The following PDE1C variants were observed in gnomAD, a reference collection of about 807,000 sequenced individuals.
PDE1C encodes phosphodiesterase 1C.
Under a neutral mutation model 93.1 loss-of-function variants are expected in PDE1C, and 62 were observed. The ratio of observed to expected loss-of-function variants is 0.67; its 90% CI spans 0.54 to 0.82. The LOEUF (loss-of-function observed/expected upper bound fraction) is 0.82. Among genes scored for constraint, PDE1C ranks in the 40% least tolerant of loss-of-function variants. The pLI is 0.00. For missense variants in PDE1C, 742 were observed against 884.6 expected, an observed-to-expected ratio of 0.84 and a Z score of 2.04; for synonymous variants, 325 against 310.1, an observed-to-expected ratio of 1.05 and a Z score of -0.50.
chr7:32,357,188 G>A (rs1784047011), intron 1 of PDE1C, among the ~76,000 whole-genome samples: 1 of 152,076 alleles, frequency 6.6e-6, no homozygotes, highest in Admixed American at 6.5e-5. Flanking sequence ...AAAAAAATTA[G>A]CCGGGCATGG....
At chr7:31,690,236 A>G in the PDE1C span, among the ~76,000 whole-genome samples, 33 of 152,252 alleles carry the variant, frequency 2.2e-4, no homozygotes, top group African/African-American at 8.0e-4. Context: ...CCAAAAATCT[A>G]GCGTGGTAGA....
At chr7:32,034,970 T>C (rs1397249979) in intron 2 of PDE1C, among the ~76,000 whole-genome samples, 1 of 152,138 alleles carries the variant, frequency 6.6e-6, no homozygotes, top group Non-Finnish European at 1.5e-5. Flanking sequence ...TCAAGTAATA[T>C]TATGGCTATT....
intron 14 of PDE1C, among the ~76,000 whole-genome samples, chr7:31,817,448 G>T (rs1191745677): frequency 6.6e-6 from 1 of 152,116 alleles, no homozygotes; most frequent in Non-Finnish European, 1.5e-5. Context: ...TTCAGATCAT[G>T]CAGGGCTTTG....
intron 2 of PDE1C, among the ~76,000 whole-genome samples, chr7:31,940,042 A>G (rs1805606624): frequency 6.6e-6 from 1 of 152,212 alleles, no homozygotes. Flanking sequence ...CTGGCTGCAC[A>G]TTAGAATCAC....
chr7:32,227,368 C>A (rs780503619), intron 1 of PDE1C, among the ~76,000 whole-genome samples: 68 of 152,122 alleles, frequency 4.5e-4, no homozygotes, highest in Non-Finnish European at 9.1e-4. Flanking sequence ...CTCATTGTAC[C>A]CACTTCCTTT....
chr7:31,725,962 A>G, the PDE1C span, among the ~76,000 whole-genome samples: 1 of 152,240 alleles, frequency 6.6e-6, no homozygotes, highest in Non-Finnish European at 1.5e-5. Context: ...GAAGAAAAAC[A>G]AAAGTAGAAC....
Position 31,864,995 on chromosome 7 carries a change from C to T in PDE1C, c.697G>A (p.Ala233Thr), listed in dbSNP as rs376768122. The T allele has an allele frequency of 6.8e-6, 11 of 1,613,972 alleles. No homozygotes were observed. The highest frequency in any genetic ancestry group is 2.2e-5 in the East Asian group (1 of 44,858). Reference protein sequence around the residue: ...HKNPYHNLMHAADVTQTVHYL... With the variant: ...HKNPYHNLMHTADVTQTVHYL... ...TGCACTGTCTGTGTAACATCGGCAG[C>T]GTGCATTAAGTTATGGTAAGGATTT... Residue 233 changes from alanine (A) to threonine (T), a missense_variant, in exon 7 of 18, where the codon GCT (alanine) becomes ACT (threonine). By Grantham distance (58) the Ala-to-Thr change is moderately conservative. Around this residue, in one of 4 missense-constraint regions of PDE1C, gnomAD observed 205 missense variants for 295.3 expected, o/e 0.69. Coordinates refer to ENST00000396191, the MANE Select transcript of PDE1C (RefSeq NM_001191057.4).
At chr7:32,029,926 T>C (rs1171240471) in intron 2 of PDE1C, among the ~76,000 whole-genome samples, 3 of 152,086 alleles carry the variant, frequency 2.0e-5, no homozygotes, top group African/African-American at 4.8e-5. Flanking sequence ...CGAAACAACT[T>C]AAGTGCCTAT....
chr7:31,748,547 CCA>C (rs1489052984), downstream of PDE1C, among the ~76,000 whole-genome samples: 1 of 152,162 alleles, frequency 6.6e-6, no homozygotes, highest in African/African-American at 2.4e-5. Flanking sequence ...GGAGAGTATT[CCA>C]CAGTTATTAT....
chr7:31,624,905 T>G, the PDE1C span, among the ~76,000 whole-genome samples: 1 of 151,978 alleles, frequency 6.6e-6, no homozygotes, highest in Non-Finnish European at 1.5e-5. Flanking sequence ...GAATCTACAA[T>G]GAACTCAAAC....
At chr7:31,708,915 C>A in the PDE1C span, among the ~76,000 whole-genome samples, 10 of 152,176 alleles carry the variant, frequency 6.6e-5, 1 homozygote, top group Admixed American at 5.9e-4. Context: ...GATGCCCCAG[C>A]CACAGCTTTG....
intron 1 of PDE1C, among the ~76,000 whole-genome samples, chr7:32,318,257 G>C (rs1407629460): frequency 6.6e-6 from 1 of 152,236 alleles, no homozygotes; most frequent in African/African-American, 2.4e-5. Flanking sequence ...TTGTGGATAC[G>C]TAGAATCCAA....
intron 2 of PDE1C, among the ~76,000 whole-genome samples, chr7:32,020,377 T>G (rs1239408355): frequency 6.6e-6 from 1 of 152,072 alleles, no homozygotes; most frequent in Non-Finnish European, 1.5e-5. Context: ...TTCTTCATAT[T>G]TTTTCTCCTT....
chr7:31,822,603 T>C (rs1789109694), intron 14 of PDE1C, among the ~76,000 whole-genome samples: 1 of 151,978 alleles, frequency 6.6e-6, no homozygotes, highest in Non-Finnish European at 1.5e-5. Flanking sequence ...GAGCAATGAG[T>C]GAAGGGAAAC....
chr7:32,092,577 T>C (rs1797528524), intron 3 of PDE1C, among the ~76,000 whole-genome samples: 1 of 152,092 alleles, frequency 6.6e-6, no homozygotes, highest in Non-Finnish European at 1.5e-5. Context: ...CTGAACACAA[T>C]CAAGAGTGAA....
the PDE1C span, among the ~76,000 whole-genome samples, chr7:31,727,857 C>T: frequency 3.9e-5 from 6 of 152,206 alleles, no homozygotes; most frequent in Non-Finnish European, 8.8e-5. Flanking sequence ...GCCTGGATAA[C>T]ATAGTGAAAC....
At chr7:32,146,779 C>T (rs927590416) in intron 3 of PDE1C, among the ~76,000 whole-genome samples, 1 of 151,610 alleles carries the variant, frequency 6.6e-6, no homozygotes, top group Non-Finnish European at 1.5e-5. Flanking sequence ...AAATATGAAG[C>T]GAATAAGGCA....
chr7:32,032,832 C>T (rs1018355390), intron 2 of PDE1C, among the ~76,000 whole-genome samples: 8 of 152,072 alleles, frequency 5.3e-5, no homozygotes, highest in Admixed American at 2.6e-4. Context: ...TCAGAATCCA[C>T]GTTTTAAAAA....
At chr7:31,968,582 C>G (rs1257309976) in intron 2 of PDE1C, among the ~76,000 whole-genome samples, 1 of 152,044 alleles carries the variant, frequency 6.6e-6, no homozygotes, top group Non-Finnish European at 1.5e-5. Context: ...CTACCAATGA[C>G]TTTCTTCACA....
Sources: allele counts gnomAD v4.1 joint callset (sites outside exome capture counted in the v4.1 genomes callset), GRCh38; gene constraint gnomAD v4.1.1; regional missense constraint gnomAD v4.1.1; transcripts MANE v1.5; gene names NCBI Gene and HGNC (gene_info 2026-07-23, HGNC 2026-07-21).